The following GTF2E2 variants were observed in gnomAD, a reference collection of about 807,000 sequenced individuals.
GTF2E2 encodes the protein general transcription factor IIE subunit 2.
GTF2E2 carries 21 observed loss-of-function variants against 40.5 expected under a neutral mutation model. The observed-to-expected ratio is 0.52, with a 90% CI of 0.37 to 0.75. The LOEUF is 0.75. GTF2E2 is among the 30% of genes least tolerant of loss of function. GTF2E2 has a pLI of 0.00. For synonymous variants in GTF2E2, 117 were observed against 121.6 expected (o/e 0.96, Z 0.25); for missense variants, 298 against 338.4 (o/e 0.88, Z 0.94).
chr8:30,620,844 G>A (rs59189567), intron 3 of GTF2E2, among the ~76,000 whole-genome samples: 35,569 of 151,440 alleles, frequency 0.23, 4,830 homozygotes, highest in South Asian at 0.39. Context: ...CAGGAGAATC[G>A]CTTGAGCCCA....
chr8:30,586,313 C>A (rs2151108453), intron 6 of GTF2E2, among the ~76,000 whole-genome samples: 1 of 152,166 alleles, frequency 6.6e-6, no homozygotes, highest in East Asian at 1.9e-4. Context: ...GAAAAATGCA[C>A]CCCCACCCAA....
rs534137920 is a variant in GTF2E2 at position 30,611,010 on chromosome 8, A to G, written c.549+1289T>C. On this transcript the variant is annotated intron_variant, in intron 5 of 7. Coordinates refer to ENST00000355904, the MANE Select transcript of GTF2E2 (RefSeq NM_002095.6). ...ACAATGGAATATTATTCAGCTTTAA[A>G]AAGGAAGAAAATCCTGTTGCAAGTA... Among the ~76,000 whole-genome samples, 67 of 152,354 alleles carry G rather than the reference A, an allele frequency of 4.4e-4. 2 individuals are homozygous for G. In the South Asian group the frequency reaches 0.014, roughly 31 times the overall value.
intron 6 of GTF2E2, among the ~76,000 whole-genome samples, chr8:30,585,518 C>T (rs545748834): frequency 1.3e-5 from 2 of 152,236 alleles, no homozygotes; most frequent in East Asian, 1.9e-4. Flanking sequence ...GGAAAATACA[C>T]ACCAATAGGT....
intron 3 of GTF2E2, among the ~76,000 whole-genome samples, chr8:30,628,409 G>T (rs1377883788): frequency 6.6e-6 from 1 of 152,174 alleles, no homozygotes; most frequent in Non-Finnish European, 1.5e-5. Context: ...ATATTCTCCT[G>T]TCAAAAGAGC....
intron 6 of GTF2E2, chr8:30,596,839 G>A (rs1286654604): frequency 6.6e-6 from 1 of 152,228 alleles, no homozygotes; most frequent in African/African-American, 2.4e-5. Context: ...GAACAGAAGC[G>A]TGGTTTGGAA....
intron 2 of GTF2E2, among the ~76,000 whole-genome samples, chr8:30,640,464 A>G (rs1801776166): frequency 6.6e-6 from 1 of 152,124 alleles, no homozygotes; most frequent in Admixed American, 6.5e-5. Flanking sequence ...AATTAACATA[A>G]AACAAAACTA....
chr8:30,616,031 A>G (rs1162084309), intron 3 of GTF2E2, among the ~76,000 whole-genome samples: 1 of 152,218 alleles, frequency 6.6e-6, no homozygotes, highest in Non-Finnish European at 1.5e-5. Flanking sequence ...AAAAACATGG[A>G]GAAACCTTAA....
chr8:30,641,769 C>T (rs1801842872), intron 2 of GTF2E2, among the ~76,000 whole-genome samples: 2 of 152,164 alleles, frequency 1.3e-5, no homozygotes, highest in African/African-American at 2.4e-5. Flanking sequence ...CCCAACTATT[C>T]GGGAGGCTGA....
intron 6 of GTF2E2, among the ~76,000 whole-genome samples, chr8:30,597,941 G>T (rs922273312): frequency 1.3e-5 from 2 of 152,138 alleles, no homozygotes; most frequent in Non-Finnish European, 2.9e-5. Context: ...TTAAAATGTA[G>T]GCAATAGCCA....
Position 30,580,401 on chromosome 8 carries a change from A to T in GTF2E2, c.644-5T>A. 1 of 1,406,184 alleles carries T rather than the reference A, an allele frequency of 7.1e-7. No homozygotes were observed. Among genetic ancestry groups the T allele is most frequent in the Non-Finnish European group, 1.0e-6 (1 of 990,306 alleles). The allele number at this position is 1,406,184 out of a possible 1,614,324, so 87.1% of individuals were successfully genotyped here. ...TCCTCCACAGTTTCTGAAATTCTGT[A>T]TCAAACAGACACTAGTTATTTTACA... On this transcript the variant is annotated splice_region_variant and splice_polypyrimidine_tract_variant and intron_variant, in intron 6 of 7. Coordinates refer to ENST00000355904, the MANE Select transcript of GTF2E2 (RefSeq NM_002095.6).
Position 30,593,892 on chromosome 8 carries a change from A to T in GTF2E2, c.643+13165T>A, listed in dbSNP as rs763311731. 3.0e-4 allele frequency among the ~76,000 whole-genome samples: 45 copies of T among 151,970 alleles called. 1 individual carries two copies. Among genetic ancestry groups the T allele is most frequent in the Non-Finnish European group, 5.4e-4 (37 of 67,978 alleles). On this transcript the variant is annotated intron_variant, in intron 6 of 7. Transcript: ENST00000355904. ...TAGTGTTTGCACAGTATATCATTTT[A>T]CATGCTTTTACTTTTAACCTGTCTA...
intron 3 of GTF2E2, among the ~76,000 whole-genome samples, chr8:30,633,797 A>ATATT (rs915349654): frequency 4.6e-5 from 7 of 152,354 alleles, no homozygotes; most frequent in African/African-American, 1.7e-4. Flanking sequence ...GGGGGAATAA[A>ATATT]TGGATGAAAT....
intron 5 of GTF2E2, among the ~76,000 whole-genome samples, chr8:30,607,943 T>C (rs1001056492): frequency 1.3e-5 from 2 of 152,216 alleles, no homozygotes; most frequent in African/African-American, 4.8e-5. Context: ...TGGGCATCCT[T>C]CAGTTTTCTT....
chr8:30,580,274 T>C lies in GTF2E2; in HGVS notation c.759+7A>G, dbSNP rs1563469751. The C allele has an allele frequency of 6.1e-6, 9 of 1,470,468 alleles. No homozygotes were observed. The highest frequency in any genetic ancestry group is 1.1e-5 in the South Asian group (1 of 88,186). 91.1% of individuals were successfully genotyped at this position (1,470,468 alleles called of 1,614,324 possible). A position where few individuals can be genotyped will look rare whatever the true frequency, so the allele number is the denominator to read the frequency against. On this transcript the variant is annotated splice_region_variant and intron_variant, in intron 7 of 7. Coordinates refer to ENST00000355904, the MANE Select transcript of GTF2E2 (RefSeq NM_002095.6). ...GGGATTAAGCTGCTTTGCTAGAGAT[T>C]ACGCACCACTTTCTTTGGTCCAGAT...
intron 6 of GTF2E2, among the ~76,000 whole-genome samples, chr8:30,591,526 G>T (rs1480155211): frequency 1.3e-5 from 2 of 151,942 alleles, no homozygotes; most frequent in African/African-American, 4.8e-5. Flanking sequence ...AATATAAAAT[G>T]GCCAATCAGC....
At chr8:30,588,202 C>A (rs1828739163) in intron 6 of GTF2E2, among the ~76,000 whole-genome samples, 1 of 152,126 alleles carries the variant, frequency 6.6e-6, no homozygotes, top group Non-Finnish European at 1.5e-5. Flanking sequence ...TCATTTGATC[C>A]AGCAATCCCA....
chr8:30,624,032 T>A (rs1468640631), intron 3 of GTF2E2, among the ~76,000 whole-genome samples: 1 of 152,126 alleles, frequency 6.6e-6, no homozygotes, highest in African/African-American at 2.4e-5. Context: ...CCCATTTGTC[T>A]ATTTTGGCTT....
chr8:30,603,232 T>C (rs933803436), intron 6 of GTF2E2, among the ~76,000 whole-genome samples: 10 of 152,078 alleles, frequency 6.6e-5, no homozygotes, highest in African/African-American at 2.2e-4. Flanking sequence ...CCAGAAATTG[T>C]CAACAAGGGA....
intron 6 of GTF2E2, among the ~76,000 whole-genome samples, chr8:30,603,423 A>C (rs1829236814): frequency 6.6e-6 from 1 of 152,174 alleles, no homozygotes; most frequent in Admixed American, 6.5e-5. Flanking sequence ...CAACAAAAAA[A>C]TACAGACAGA....
Sources: allele counts gnomAD v4.1 joint callset (sites outside exome capture counted in the v4.1 genomes callset), GRCh38; gene constraint gnomAD v4.1.1; transcripts MANE v1.5; gene names NCBI Gene and HGNC (gene_info 2026-07-23, HGNC 2026-07-21).